SERPINI2: variants seen among roughly 807,000 people sequenced by gnomAD.
SERPINI2 encodes serpin family I member 2, also known as serpin I2.
A neutral mutation model predicts 47.3 loss-of-function variants in SERPINI2; 48 were observed. The observed-to-expected ratio is 1.02, with a 90% CI of 0.81 to 1.29. The LOEUF (loss-of-function observed/expected upper bound fraction) is 1.29. SERPINI2 is among the 50% of genes most tolerant of loss of function. SERPINI2 has a pLI of 0.00. For synonymous variants in SERPINI2, 135 were observed against 149.3 expected (o/e 0.90, Z 0.70); for missense variants, 448 against 456.9 (o/e 0.98, Z 0.18).
intron 5 of SERPINI2, among the ~76,000 whole-genome samples, chr3:167,458,249 T>C (rs1452747531): frequency 2.2e-5 from 3 of 137,900 alleles, no homozygotes; most frequent in East Asian, 2.0e-4. Flanking sequence ...TTCTTTCTTT[T>C]TTTTTTTTTT....
chr3:167,453,192 C>G (rs771782516), intron 5 of SERPINI2, among the ~76,000 whole-genome samples, 159 bp from the exon 6 acceptor site: 3 of 152,108 alleles, frequency 2.0e-5, no homozygotes, highest in African/African-American at 7.2e-5. Flanking sequence ...TTCCCCGGCT[C>G]CAACAATCAG....
rs148822651 is a variant in SERPINI2 at position 167,444,727 on chromosome 3, A to T, written c.1141+1665T>A. 5.9e-4 allele frequency among the ~76,000 whole-genome samples: 90 copies of T among 152,300 alleles called. 2 individuals carry two copies. In the East Asian group the frequency reaches 0.013, roughly 22 times the overall value. The stretch of plus-strand genomic sequence containing the variant: ...GAGTAACCCTAGTTTAGAAAGTCTC[A>T]CTACAATAAAGAACATAAAACAGTT... On this transcript the variant is annotated intron_variant, in intron 8 of 8. Transcript: ENST00000264677.
rs374185252 is a variant in SERPINI2, at chr3:167,471,567, A to G, written c.247+21T>C. Reference sequence around the variant, plus strand: ...CGTCCATATCTTATCCAGTATAAGTAAGGAGATGTAAGAGTCTCACCAGCT... The same window carrying G: ...CGTCCATATCTTATCCAGTATAAGTGAGGAGATGTAAGAGTCTCACCAGCT... On this transcript the variant is annotated intron_variant, in intron 2 of 8. Transcript: ENST00000264677. The G allele has an allele frequency of 3.5e-5, 56 of 1,609,976 alleles. No homozygotes were observed. The African/African-American group carries it at 7.2e-4, about 21-fold the overall frequency.
At chr3:167,467,351 G>A (rs1028779333) in intron 2 of SERPINI2, 66 bp from the exon 3 acceptor site, 10 of 1,136,922 alleles carry the variant, frequency 8.8e-6, no homozygotes, top group East Asian at 2.4e-5. Flanking sequence ...TTTCAGCTTT[G>A]CTATCTAAGT....
intron 8 of SERPINI2, among the ~76,000 whole-genome samples, chr3:167,444,722 G>C (rs1749423578): frequency 6.6e-6 from 1 of 152,090 alleles, no homozygotes; most frequent in Non-Finnish European, 1.5e-5. Context: ...AGTTTAGAAA[G>C]TCTCACTACA....
intron 8 of SERPINI2, among the ~76,000 whole-genome samples, chr3:167,445,555 C>G (rs775181185): frequency 2.6e-5 from 4 of 152,168 alleles, no homozygotes; most frequent in Non-Finnish European, 5.9e-5. Context: ...CCCAATTTCA[C>G]ACCCTCTGTC....
chr3:167,472,102 A>G (rs6444350), intron 1 of SERPINI2, among the ~76,000 whole-genome samples: 83,126 of 151,924 alleles, frequency 0.55, 23,471 homozygotes, highest in African/African-American at 0.69. Flanking sequence ...AGACACTACA[A>G]TGTTGGAATG....
chr3:167,473,830 G>T, intron 1 of SERPINI2, 173 bp downstream of exon 1: 1 of 1,379,174 alleles, frequency 7.3e-7, no homozygotes, highest in Non-Finnish European at 9.4e-7. Context: ...TGGATCTTCT[G>T]ATTTGTGGTG....
At chr3:167,460,318 G>A (rs942487285) in intron 5 of SERPINI2, among the ~76,000 whole-genome samples, 1 of 152,148 alleles carries the variant, frequency 6.6e-6, no homozygotes, top group South Asian at 2.1e-4. Flanking sequence ...TTGAGCCTAC[G>A]TTGTTTTCTC....
intron 1 of SERPINI2, among the ~76,000 whole-genome samples, chr3:167,473,143 A>G (rs1750386965): frequency 6.6e-6 from 1 of 151,722 alleles, no homozygotes; most frequent in African/African-American, 2.4e-5. Context: ...TTATCCTTCA[A>G]TGTATTTTGT....
At chr3:167,444,818 G>T (rs1294544785) in intron 8 of SERPINI2, among the ~76,000 whole-genome samples, 1 of 152,010 alleles carries the variant, frequency 6.6e-6, no homozygotes, top group African/African-American at 2.4e-5. Flanking sequence ...GGTTATTTTG[G>T]GTTTTGAACT....
chr3:167,444,079 C>A (rs1244779092), intron 8 of SERPINI2, among the ~76,000 whole-genome samples: 1 of 152,122 alleles, frequency 6.6e-6, no homozygotes, highest in Admixed American at 6.5e-5. Flanking sequence ...GGATATTCTG[C>A]AATCTGCTTC....
chr3:167,456,700 T>C (rs1749804258), intron 5 of SERPINI2, among the ~76,000 whole-genome samples: 1 of 152,136 alleles, frequency 6.6e-6, no homozygotes, highest in Non-Finnish European at 1.5e-5. Flanking sequence ...ATAGGCAAGG[T>C]ATTTACCTGT....
At chr3:167,456,178 G>C (rs1431181031) in intron 5 of SERPINI2, among the ~76,000 whole-genome samples, 2 of 151,080 alleles carry the variant, frequency 1.3e-5, no homozygotes, top group Non-Finnish European at 2.9e-5. Flanking sequence ...GTGTGTGTGT[G>C]TGTGTGTGTG....
At chr3:167,453,101 A>G in intron 5 of SERPINI2, 68 bp from the exon 6 acceptor site, 10 of 788,182 alleles carry the variant, frequency 1.3e-5, no homozygotes, top group Admixed American at 2.7e-5. Flanking sequence ...CAATTTTTTA[A>G]TGGATGACTT....
At chr3:167,465,718 T>A in intron 3 of SERPINI2, 45 bp from the exon 4 acceptor site, 2 of 1,501,664 alleles carry the variant, frequency 1.3e-6, no homozygotes, top group South Asian at 1.2e-5. Context: ...TGTGCAATAG[T>A]GATTCAGTGG....
Position 167,467,279 on chromosome 3 carries a change from T to C in SERPINI2, c.254A>G (p.Glu85Gly), listed in dbSNP as rs746372943. ...GAAAAATGACTTCAGTACAAAAAAT[T>C]CTTCCCCTAGAAAATAATTTTAATG... The change falls in exon 3 of 9, where the codon GAA (glutamate) becomes GGA (glycine). Residue 85 changes from glutamate (E) to glycine (G), a missense_variant. By Grantham distance (98) the Glu-to-Gly change is moderately conservative. Coordinates refer to ENST00000264677, the Ensembl canonical transcript of SERPINI2. 2.9e-5 allele frequency: 47 copies of C among 1,605,434 alleles called. No homozygotes were observed. The Middle Eastern group carries it at 6.6e-4, about 23-fold the overall frequency.
chr3:167,449,321 G>A (rs771794418), exon 7 of SERPINI2: 1 of 1,609,224 alleles, frequency 6.2e-7, no homozygotes, highest in Admixed American at 1.7e-5. Context: ...CCTACCAGTT[G>A]ATGTTGCAGC....
chr3:167,473,956 A>G (rs1750418001), intron 1 of SERPINI2, 47 bp downstream of exon 1: 2 of 1,193,894 alleles, frequency 1.7e-6, no homozygotes, highest in African/African-American at 3.2e-5. Flanking sequence ...AGGCAATGTT[A>G]TTGCATACAT....
Sources: allele counts gnomAD v4.1 joint callset (sites outside exome capture counted in the v4.1 genomes callset), GRCh38; gene constraint gnomAD v4.1.1; transcripts MANE v1.5; gene names NCBI Gene and HGNC (gene_info 2026-07-23, HGNC 2026-07-21).